The following NXPH1 variants were observed in gnomAD, a reference collection of about 807,000 sequenced individuals.
NXPH1 encodes the protein neurexophilin 1, also known as neurexophilin-1.
A neutral mutation model predicts 23.7 loss-of-function variants in NXPH1; 5 were observed. That is an observed-to-expected ratio of 0.21 (90% CI 0.11 to 0.44). NXPH1 has a LOEUF of 0.44. Ranked by LOEUF, NXPH1 falls within the 20% of genes least tolerant of loss-of-function variation. NXPH1 has a pLI of 0.99. For missense variants in NXPH1, 324 were observed against 321.6 expected (o/e 1.01, Z -0.06); for synonymous variants, 144 against 122.2 (o/e 1.18, Z -1.18).
chr7:8,684,857 G>T (rs1821121121), intron 2 of NXPH1, among the ~76,000 whole-genome samples: 1 of 152,134 alleles, frequency 6.6e-6, no homozygotes, highest in Middle Eastern at 3.2e-3. Context: ...TGTACTTGCT[G>T]TGTTAATTAT....
chr7:8,595,190 A>G (rs1819194048), intron 2 of NXPH1, among the ~76,000 whole-genome samples: 1 of 138,680 alleles, frequency 7.2e-6, no homozygotes, highest in Non-Finnish European at 1.5e-5. Context: ...TACTTCTGCC[A>G]GTATAAATAA....
At chr7:8,654,965 G>A (rs919667770) in intron 2 of NXPH1, among the ~76,000 whole-genome samples, 2 of 152,128 alleles carry the variant, frequency 1.3e-5, no homozygotes, top group Non-Finnish European at 2.9e-5. Flanking sequence ...AAAATCAAGG[G>A]AGAGGAAATT....
chr7:8,746,431 T>C (rs1780471395), intron 2 of NXPH1, among the ~76,000 whole-genome samples: 2 of 152,224 alleles, frequency 1.3e-5, no homozygotes, highest in Admixed American at 6.5e-5. Flanking sequence ...TTTCCCATTA[T>C]ATCACTGAAG....
chr7:8,678,972 G>A (rs796628288), intron 2 of NXPH1, among the ~76,000 whole-genome samples: 10 of 74,776 alleles, frequency 1.3e-4, no homozygotes, highest in African/African-American at 5.5e-4. Context: ...TTGTTGAGAC[G>A]GAGTCTCGCT....
intron 2 of NXPH1, among the ~76,000 whole-genome samples, chr7:8,666,289 A>G (rs951001889): frequency 2.6e-5 from 4 of 151,996 alleles, no homozygotes; most frequent in Admixed American, 6.6e-5. Flanking sequence ...TTCTGCTTCT[A>G]TTGATATGAT....
chr7:8,459,940 A>G (rs1816664767), intron 2 of NXPH1, among the ~76,000 whole-genome samples: 2 of 152,142 alleles, frequency 1.3e-5, no homozygotes, highest in African/African-American at 4.8e-5. Context: ...GCTTAGCCAA[A>G]CTGAGCTATG....
intron 2 of NXPH1, among the ~76,000 whole-genome samples, chr7:8,550,786 C>A (rs1033776911): frequency 6.6e-6 from 1 of 151,456 alleles, no homozygotes; most frequent in African/African-American, 2.4e-5. Context: ...GTGAATAGTT[C>A]TCCAGGTTGT....
At chr7:8,493,290 A>G (rs1025537239) in intron 2 of NXPH1, among the ~76,000 whole-genome samples, 1 of 152,050 alleles carries the variant, frequency 6.6e-6, no homozygotes, top group African/African-American at 2.4e-5. Flanking sequence ...GTTTTAAATT[A>G]CTTGCAATTT....
At chr7:8,686,948 T>C (rs1438561508) in intron 2 of NXPH1, among the ~76,000 whole-genome samples, 1 of 152,078 alleles carries the variant, frequency 6.6e-6, no homozygotes, top group Non-Finnish European at 1.5e-5. Context: ...TATTTTTTAA[T>C]GAAAAAAAGC....
intron 2 of NXPH1, among the ~76,000 whole-genome samples, chr7:8,629,955 T>C (rs1345654630): frequency 6.6e-6 from 1 of 152,202 alleles, no homozygotes; most frequent in Non-Finnish European, 1.5e-5. Flanking sequence ...TATATAGCTT[T>C]AAGTTCATAT....
At chr7:8,445,266 C>T (rs930542510) in intron 2 of NXPH1, among the ~76,000 whole-genome samples, 1 of 152,176 alleles carries the variant, frequency 6.6e-6, no homozygotes, top group Non-Finnish European at 1.5e-5. Context: ...AGTCAAGCCT[C>T]TTTAAAGAGA....
At chr7:8,526,587 G>A (rs1817865864) in intron 2 of NXPH1, among the ~76,000 whole-genome samples, 1 of 152,154 alleles carries the variant, frequency 6.6e-6, no homozygotes, top group Non-Finnish European at 1.5e-5. Flanking sequence ...GTTGTGGGAG[G>A]GACCCAAGGG....
At chr7:8,575,771 A>G (rs113346924) in intron 2 of NXPH1, among the ~76,000 whole-genome samples, 1 of 151,548 alleles carries the variant, frequency 6.6e-6, no homozygotes, top group Non-Finnish European at 1.5e-5. Flanking sequence ...TTTTTTTTTA[A>G]ATAAGCTCTT....
intron 2 of NXPH1, among the ~76,000 whole-genome samples, chr7:8,477,601 C>T (rs372269698): frequency 5.3e-5 from 8 of 151,842 alleles, no homozygotes; most frequent in Non-Finnish European, 8.8e-5. Context: ...CTTAATGCGC[C>T]TCTTAACGTA....
chr7:8,496,879 A>T (rs556238053), intron 2 of NXPH1, among the ~76,000 whole-genome samples: 33 of 152,224 alleles, frequency 2.2e-4, no homozygotes, highest in South Asian at 8.3e-4. Flanking sequence ...AGATTTTTTA[A>T]AAATTATACT....
chr7:8,586,371 C>A (rs1176361955), intron 2 of NXPH1, among the ~76,000 whole-genome samples: 1 of 151,954 alleles, frequency 6.6e-6, no homozygotes, highest in Non-Finnish European at 1.5e-5. Flanking sequence ...GATAATAATT[C>A]ATAGAAACTT....
At chr7:8,737,697 A>C (rs564641197) in intron 2 of NXPH1, among the ~76,000 whole-genome samples, 5 of 152,272 alleles carry the variant, frequency 3.3e-5, no homozygotes, top group African/African-American at 1.2e-4. Flanking sequence ...AGATTGGGGA[A>C]GTTCTCCTGG....
At chr7:8,488,238 T>C (rs10265438) in intron 2 of NXPH1, among the ~76,000 whole-genome samples, 78,226 of 147,688 alleles carry the variant, frequency 0.53, 21,487 homozygotes, top group East Asian at 0.78. Flanking sequence ...ACACATACTA[T>C]ATCTTACATA....
chr7:8,567,797 A>G (rs527991544), intron 2 of NXPH1, among the ~76,000 whole-genome samples: 3 of 151,818 alleles, frequency 2.0e-5, no homozygotes, highest in Non-Finnish European at 4.4e-5. Flanking sequence ...TAGTTAAAGG[A>G]GAACATATGG....
Sources: gnomAD v4.1 joint callset for allele counts (sites outside exome capture counted in the v4.1 genomes callset) on GRCh38, gnomAD v4.1.1 for gene constraint, MANE v1.5 for transcripts, NCBI Gene and HGNC (gene_info 2026-07-23, HGNC 2026-07-21) for gene names.